Variants in THAP2 observed in about 807,000 individuals in gnomAD.
THAP2 encodes THAP domain-containing protein 2.
THAP2 carries 16 observed loss-of-function variants against 18.8 expected under a neutral mutation model. The ratio of observed to expected loss-of-function variants is 0.85; its 90% confidence interval spans 0.58 to 1.29. THAP2 has a LOEUF of 1.29. Among genes scored for constraint, THAP2 ranks in the 50% most tolerant of loss-of-function variants. THAP2 has a pLI of 0.00. For synonymous variants in THAP2, 80 were observed against 89.2 expected (o/e 0.90, Z 0.58); for missense variants, 251 against 265.3 (o/e 0.95, Z 0.38).
At position 71,677,077 on chromosome 12, in the gene THAP2, A is replaced by C. The variant is rs1310429267; in HGVS notation, c.656A>C (p.Asn219Thr). 3 of 1,602,900 alleles carry C rather than the reference A, an allele frequency of 1.9e-6. No individual in the cohort carries two copies. The highest frequency in any genetic ancestry group is 2.6e-6 in the Non-Finnish European group (3 of 1,173,930). The change falls in exon 3 of 3, where the codon AAT becomes ACT. Residue 219 changes from asparagine to threonine, a missense_variant. Asn to Thr is a moderately conservative substitution (Grantham distance 65). Coordinates refer to ENST00000308086, the MANE Select transcript of THAP2 (RefSeq NM_031435.4). ...DQQDKTLLSL[N>T]LKQTKSTFI ...CAAGATAAAACACTGCTAAGTCTAA[A>C]TCTAAAACAGACCAAGAGTACCTTC...
rs1440307518 is a variant in THAP2, at chr12:71,678,292, T to C, written c.*1184T>C. The C allele has an allele frequency of 6.6e-6, 1 of 152,530 alleles. No individual in the cohort carries two copies. 9.4% of individuals were successfully genotyped at this position (152,530 alleles called of 1,614,324 possible). On this transcript the variant is annotated 3_prime_UTR_variant, in exon 3 of 3. Transcript: ENST00000308086. ...CCTGGGCAATGGAGTGAGACTCCTG[T>C]CTCTAAAACAGCAACAACAAAAATA... is the stretch of plus-strand genomic sequence containing the variant.
In THAP2 at chr12:71,674,186, A is replaced by ATTTTTT. The variant is rs5799053; in HGVS notation, c.72-9_72-4dup. ...TTATGATAGTTGGAATTTGAGTTGC[A>ATTTTTT]TTTTTTTTTTTTTAAGGTTTCCTTT... On this transcript the variant is annotated splice_polypyrimidine_tract_variant and intron_variant, in intron 1 of 2. Coordinates refer to ENST00000308086, the MANE Select transcript of THAP2 (RefSeq NM_031435.4). 2.6e-4 allele frequency: 351 copies of ATTTTTT among 1,351,448 alleles called. No individual in the cohort carries two copies. The highest frequency in any genetic ancestry group is 6.1e-4 in the Middle Eastern group (3 of 4,938). 83.7% of individuals were successfully genotyped at this position (1,351,448 alleles called of 1,614,324 possible).
chr12:71,677,156 G>A lies in THAP2; in HGVS notation c.*48G>A, dbSNP rs751299286. ...TGCCTATCCTTCATTCTTTTCAGAA[G>A]TAAAGATAATTATGGCACTTATGCC... On this transcript the variant is annotated 3_prime_UTR_variant, in exon 3 of 3. Transcript: ENST00000308086. The A allele has an allele frequency of 2.5e-5, 36 of 1,428,576 alleles. No homozygotes were observed. The highest frequency in any genetic ancestry group is 3.2e-5 in the Non-Finnish European group (35 of 1,085,782). The allele number at this position is 1,428,576 out of a possible 1,614,324, so 88.5% of individuals were successfully genotyped here. A position where few individuals can be genotyped will look rare whatever the true frequency, so the allele number is the denominator to read the frequency against.
intron 1 of THAP2, among the ~76,000 whole-genome samples, chr12:71,669,398 C>G (rs115797951): frequency 2.0e-5 from 3 of 152,076 alleles, no homozygotes; most frequent in African/African-American, 7.2e-5. Context: ...TTAAAAAGAG[C>G]TTTAAAAGAG....
Position 71,674,336 on chromosome 12 carries a change from C to G in THAP2, c.205C>G (p.Arg69Gly). Residue 69 changes from arginine (R) to glycine (G), a missense_variant, in exon 2 of 3, where the codon CGA becomes GGA. Physicochemically the swap from Arg to Gly is moderately radical, Grantham distance 125. Transcript: ENST00000308086. ...CTGTTTTGACCTAACAGGACAAACT[C>G]GACGACTTAAAATGGATGCTGTTCC... ...ASCFDLTGQT[R>G]RLKMDAVPTI... The G allele has an allele frequency of 6.2e-7, 1 of 1,612,886 alleles. No individual in the cohort carries two copies. Among genetic ancestry groups the G allele is most frequent in the South Asian group, 1.1e-5 (1 of 90,980 alleles).
chr12:71,670,795 C>T (rs957629792), intron 1 of THAP2, among the ~76,000 whole-genome samples: 9 of 151,512 alleles, frequency 5.9e-5, no homozygotes, highest in South Asian at 2.1e-4. Context: ...AAAAATTAAG[C>T]GTGCGTGGTG....
At chr12:71,669,784 G>A (rs1386669143) in intron 1 of THAP2, among the ~76,000 whole-genome samples, 4 of 151,786 alleles carry the variant, frequency 2.6e-5, no homozygotes, top group Non-Finnish European at 5.9e-5. Context: ...GGGAAACACC[G>A]TCTCTACTAA....
At chr12:71,675,947 C>T (rs571660989) in intron 2 of THAP2, among the ~76,000 whole-genome samples, 2 of 151,772 alleles carry the variant, frequency 1.3e-5, no homozygotes, top group African/African-American at 2.4e-5. Context: ...AGATATGATA[C>T]GGGCCCAGTG....
chr12:71,664,464 G>A lies in THAP2; in HGVS notation c.-46G>A. 2 of 1,611,788 alleles carry A rather than the reference G, an allele frequency of 1.2e-6. No individual in the cohort carries two copies. The highest frequency in any genetic ancestry group is 1.7e-6 in the Non-Finnish European group (2 of 1,178,102). ...CTGCCAGAAGAAAGCTTAGCAGCCA[G>A]CGCCTCAGTAGAGACCTAAGGGCGC... On this transcript the variant is annotated 5_prime_UTR_variant, in exon 1 of 3. Transcript: ENST00000308086.
chr12:71,664,685 A>T, intron 1 of THAP2, 105 bp downstream of exon 1: 3 of 1,306,574 alleles, frequency 2.3e-6, no homozygotes, highest in Non-Finnish European at 3.3e-6. Flanking sequence ...TAACTTTCCC[A>T]GCTGGTAGCA....
chr12:71,670,484 C>T (rs989122746), intron 1 of THAP2, among the ~76,000 whole-genome samples: 6 of 152,078 alleles, frequency 3.9e-5, no homozygotes, highest in Non-Finnish European at 7.4e-5. Context: ...GCAGAAGCTC[C>T]CTCACCACAC....
At chr12:71,676,082 G>C (rs1881514689) in intron 2 of THAP2, among the ~76,000 whole-genome samples, 1 of 152,020 alleles carries the variant, frequency 6.6e-6, no homozygotes, top group Non-Finnish European at 1.5e-5. Flanking sequence ...AATAGGACTT[G>C]ATGACCATTT....
Position 71,674,402 on chromosome 12 carries a change from G to A in THAP2, c.267+4G>A. 6.4e-7 allele frequency: 1 copy of A among 1,567,886 alleles called. No individual in the cohort carries two copies. The highest frequency in any genetic ancestry group is 1.4e-5 in the African/African-American group (1 of 73,516). ...TTGTACCCATATAAAGTCTATGGTA[G>A]GTAATGTTACTCTCCTTTTGTTAAA... On this transcript the variant is annotated splice_donor_region_variant and intron_variant, in intron 2 of 2. Coordinates refer to ENST00000308086, the MANE Select transcript of THAP2 (RefSeq NM_031435.4).
chr12:71,679,449 G>T lies in THAP2; in HGVS notation c.*2341G>T, dbSNP rs1881568628. On this transcript the variant is annotated 3_prime_UTR_variant, in exon 3 of 3. Coordinates refer to ENST00000308086, the MANE Select transcript of THAP2 (RefSeq NM_031435.4). ...TTAAAATGCTGCTTTCAGTTTGATA[G>T]TTTTTTTTTTAATCACTCTGACCAT... The T allele has an allele frequency of 6.7e-6, 1 of 148,386 alleles. No homozygotes were observed. Among genetic ancestry groups the T allele is most frequent in the Non-Finnish European group, 1.5e-5 (1 of 66,776 alleles). The allele number at this position is 148,386 out of a possible 1,614,324, so 9.2% of individuals were successfully genotyped here.
At chr12:71,676,512 A>G (rs995628857) in intron 2 of THAP2, among the ~76,000 whole-genome samples, 177 bp from the exon 3 acceptor site, 1 of 152,114 alleles carries the variant, frequency 6.6e-6, no homozygotes, top group Non-Finnish European at 1.5e-5. Context: ...AGTTAATTCA[A>G]CCAGTTAAAA....
Position 71,664,354 on chromosome 12 carries a change from C to G in THAP2, c.-156C>G. The G allele has an allele frequency of 1.3e-6, 1 of 788,212 alleles. No individual in the cohort carries two copies. The allele number at this position is 788,212 out of a possible 1,614,324, so 48.8% of individuals were successfully genotyped here. On this transcript the variant is annotated 5_prime_UTR_variant, in exon 1 of 3. Coordinates refer to ENST00000308086, the MANE Select transcript of THAP2 (RefSeq NM_031435.4). ...AAGGCTGACCGTCCTTCGCCTCCGC[C>G]CCCACATACACACCCCTTCTTCCCA... is the stretch of plus-strand genomic sequence containing the variant.
chr12:71,664,313 TAATA>T lies in THAP2; in HGVS notation c.-194_-191del. 1.7e-6 allele frequency: 1 copy of T among 602,352 alleles called. No individual in the cohort carries two copies. Among genetic ancestry groups the T allele is most frequent in the East Asian group, 2.8e-5 (1 of 35,088 alleles). The allele number at this position is 602,352 out of a possible 1,614,324, so 37.3% of individuals were successfully genotyped here. A position where few individuals can be genotyped will look rare whatever the true frequency, so the allele number is the denominator to read the frequency against. On this transcript the variant is annotated 5_prime_UTR_variant, in exon 1 of 3. Transcript: ENST00000308086. ...TTCTGTGGGCTCTAGTCGGCCATAT[TAATA>T]AAGAGAAAGGGAAGGCTGACCGTCC... is the stretch of plus-strand genomic sequence containing the variant.
chr12:71,665,638 T>TA (rs1383541701), intron 1 of THAP2: 1 of 152,254 alleles, frequency 6.6e-6, no homozygotes, highest in East Asian at 1.9e-4. Context: ...TTCAGAGACC[T>TA]AACTTAGTCT....
At chr12:71,674,433 T>G in intron 2 of THAP2, 35 bp downstream of exon 2, 1 of 1,529,908 alleles carries the variant, frequency 6.5e-7, no homozygotes, top group East Asian at 2.3e-5. Flanking sequence ...TTAAAACCAT[T>G]TTTAGAACTC....
Sources: gnomAD v4.1 joint callset for allele counts (sites outside exome capture counted in the v4.1 genomes callset) on GRCh38, gnomAD v4.1.1 for gene constraint, MANE v1.5 for transcripts, NCBI Gene and HGNC (gene_info 2026-07-23, HGNC 2026-07-21) for gene names.